ADAM22: variants seen among roughly 807,000 people sequenced by gnomAD.
ADAM22 encodes the protein ADAM metallopeptidase domain 22.
ADAM22 carries 65 observed loss-of-function variants against 144.6 expected under a neutral mutation model. The observed-to-expected ratio is 0.45, with a 90% CI of 0.37 to 0.55. The LOEUF is 0.55. Among genes scored for constraint, ADAM22 ranks in the 20% least tolerant of loss-of-function variants. The pLI is 0.00. For synonymous variants in ADAM22, 391 were observed against 412.6 expected (o/e 0.95, Z 0.63); for missense variants, 974 against 1,184.9 (o/e 0.82, Z 2.61).
chr7:88,023,296 T>C (rs1434869378), intron 3 of ADAM22, among the ~76,000 whole-genome samples: 1 of 152,202 alleles, frequency 6.6e-6, no homozygotes, highest in Non-Finnish European at 1.5e-5. Context: ...TAGGTGTATA[T>C]ATTCAAGGAT....
At chr7:87,984,214 C>T (rs1584818212) in intron 3 of ADAM22, among the ~76,000 whole-genome samples, 1 of 152,170 alleles carries the variant, frequency 6.6e-6, no homozygotes, top group Admixed American at 6.5e-5. Flanking sequence ...TAGTCTCTAG[C>T]TTTTAATCTT....
At chr7:88,148,492 A>C (rs1837272132) in intron 17 of ADAM22, among the ~76,000 whole-genome samples, 1 of 152,196 alleles carries the variant, frequency 6.6e-6, no homozygotes, top group Non-Finnish European at 1.5e-5. Context: ...CCAAGATCTA[A>C]ATCCATGTAA....
At chr7:88,023,739 T>C (rs1798347046) in intron 3 of ADAM22, among the ~76,000 whole-genome samples, 2 of 152,194 alleles carry the variant, frequency 1.3e-5, no homozygotes, top group Non-Finnish European at 2.9e-5. Flanking sequence ...AAATTGTTAT[T>C]GACTATAGTA....
chr7:88,065,344 A>G (rs1347551785), intron 3 of ADAM22, among the ~76,000 whole-genome samples: 2 of 152,046 alleles, frequency 1.3e-5, no homozygotes, highest in South Asian at 4.1e-4. Flanking sequence ...TATGGAAAAT[A>G]TTTCGTTTAA....
intron 5 of ADAM22, among the ~76,000 whole-genome samples, chr7:88,109,985 G>T (rs1013512062): frequency 4.6e-5 from 7 of 152,156 alleles, no homozygotes; most frequent in Non-Finnish European, 8.8e-5. Context: ...AGCATATTAG[G>T]CAGAAAGGAA....
At chr7:87,954,274 C>G (rs1464615135) in intron 2 of ADAM22, among the ~76,000 whole-genome samples, 1 of 152,048 alleles carries the variant, frequency 6.6e-6, no homozygotes, top group Non-Finnish European at 1.5e-5. Context: ...TTTGCAGTGG[C>G]TTGTACCCGT....
intron 18 of ADAM22, 56 bp downstream of exon 18, chr7:88,149,113 G>C: frequency 3.3e-6 from 4 of 1,196,206 alleles, no homozygotes; most frequent in Non-Finnish European, 4.9e-6. Context: ...GGTATCTTTA[G>C]TGCACTGACC....
At chr7:87,995,485 A>C (rs962321196) in intron 3 of ADAM22, among the ~76,000 whole-genome samples, 86 of 152,286 alleles carry the variant, frequency 5.6e-4, no homozygotes, top group African/African-American at 1.9e-3. Flanking sequence ...AATTTTAAAA[A>C]CTACTAATAC....
At chr7:88,169,865 G>GA (rs1843856805) in intron 25 of ADAM22, among the ~76,000 whole-genome samples, 1 of 152,054 alleles carries the variant, frequency 6.6e-6, no homozygotes, top group Non-Finnish European at 1.5e-5. Context: ...TTGGCTGTGT[G>GA]AAAATGGAAA....
intron 3 of ADAM22, among the ~76,000 whole-genome samples, chr7:87,996,983 TTA>T (rs1007033942): frequency 2.6e-5 from 4 of 152,302 alleles, no homozygotes; most frequent in Middle Eastern, 3.4e-3. Flanking sequence ...CTCAGTGTGT[TTA>T]GTTATTATTA....
intron 4 of ADAM22, among the ~76,000 whole-genome samples, chr7:88,080,485 A>G (rs1272052003): frequency 6.6e-6 from 1 of 152,254 alleles, no homozygotes; most frequent in Non-Finnish European, 1.5e-5. Context: ...AAGGCAAGAA[A>G]TAACTAAAAT....
intron 2 of ADAM22, among the ~76,000 whole-genome samples, chr7:87,943,465 A>C (rs1404839569): frequency 2.0e-5 from 3 of 152,116 alleles, no homozygotes; most frequent in Non-Finnish European, 4.4e-5. Context: ...GGTCTGGCCC[A>C]GGTCTCCTCC....
At chr7:87,982,701 T>TATATGTATATATATATATATATAA (rs1554373733) in intron 3 of ADAM22, among the ~76,000 whole-genome samples, 1 of 33,802 alleles carries the variant, frequency 3.0e-5, no homozygotes, top group Non-Finnish European at 5.1e-5. Context: ...ATATATATAA[T>TATATGTATATATATATATATATAA]TTTTTTTTTT....
At chr7:87,985,822 A>G (rs950515455) in intron 3 of ADAM22, among the ~76,000 whole-genome samples, 4 of 152,180 alleles carry the variant, frequency 2.6e-5, no homozygotes, top group African/African-American at 9.7e-5. Flanking sequence ...TCTTGGATAG[A>G]TACCTAGAAG....
At chr7:88,089,752 T>C (rs766744869) in intron 4 of ADAM22, among the ~76,000 whole-genome samples, 11 of 152,212 alleles carry the variant, frequency 7.2e-5, no homozygotes, top group African/African-American at 1.2e-4. Context: ...GATCTATTTA[T>C]AGAAGTTGTC....
intron 3 of ADAM22, among the ~76,000 whole-genome samples, chr7:88,005,241 A>T (rs913559065): frequency 1.1e-4 from 16 of 152,170 alleles, no homozygotes; most frequent in African/African-American, 2.9e-4. Context: ...GTTGCCAGGA[A>T]AGAGATTTGG....
intron 2 of ADAM22, among the ~76,000 whole-genome samples, chr7:87,944,937 T>G (rs1046642805): frequency 6.6e-6 from 1 of 151,606 alleles, no homozygotes; most frequent in African/African-American, 2.4e-5. Flanking sequence ...ATGTGTGTGT[T>G]TTTTTCTTTT....
At chr7:88,131,867 A>G (rs1477352935) in intron 11 of ADAM22, 1 of 161,382 alleles carries the variant, frequency 6.2e-6, no homozygotes, top group African/African-American at 2.4e-5. Context: ...GATAGCATGC[A>G]TATTTGACGT....
At chr7:88,000,621 A>C (rs1792319757) in intron 3 of ADAM22, among the ~76,000 whole-genome samples, 1 of 152,120 alleles carries the variant, frequency 6.6e-6, no homozygotes, top group Non-Finnish European at 1.5e-5. Context: ...TATTATAATA[A>C]ATTTTTTAAA....
Sources: allele counts gnomAD v4.1 joint callset (sites outside exome capture counted in the v4.1 genomes callset), GRCh38; gene constraint gnomAD v4.1.1; transcripts MANE v1.5; gene names NCBI Gene and HGNC (gene_info 2026-07-23, HGNC 2026-07-21).